Variants in RBPMS observed in about 807,000 individuals in gnomAD.
RBPMS encodes RNA-binding protein with multiple splicing.
In RBPMS, 7 loss-of-function variants were observed where a neutral mutation model predicts 26.8. The observed-to-expected ratio is 0.26, with a 90% confidence interval of 0.15 to 0.49. The LOEUF (loss-of-function observed/expected upper bound fraction) is 0.49, where lower values mean the gene tolerates loss of function less well. Ranked by LOEUF, RBPMS falls within the 20% of genes least tolerant of loss-of-function variation. The pLI is 0.98. For synonymous variants in RBPMS, 96 were observed against 93.3 expected, an observed-to-expected ratio of 1.03 and a Z score of -0.17; for missense variants, 186 against 250.0, an observed-to-expected ratio of 0.74 and a Z score of 1.73.
chr8:30,501,407 G>T (rs532721112), intron 4 of RBPMS, among the ~76,000 whole-genome samples: 1 of 151,532 alleles, frequency 6.6e-6, no homozygotes, highest in East Asian at 1.9e-4. Flanking sequence ...AAACTGCCCT[G>T]GTATACTTTT....
At chr8:30,436,726 C>T (rs903547626) in intron 1 of RBPMS, among the ~76,000 whole-genome samples, 3 of 152,098 alleles carry the variant, frequency 2.0e-5, no homozygotes, top group Non-Finnish European at 4.4e-5. Context: ...CTTGCTGGTG[C>T]CCTTGCATTC....
intron 6 of RBPMS, chr8:30,549,556 T>C (rs1275375450): frequency 2.5e-6 from 4 of 1,614,006 alleles, no homozygotes; most frequent in African/African-American, 2.7e-5. Context: ...CGTCTCCTGA[T>C]AGTGCCAGCC....
chr8:30,423,009 G>A (rs888258221), intron 1 of RBPMS, among the ~76,000 whole-genome samples: 3 of 152,292 alleles, frequency 2.0e-5, no homozygotes, highest in Non-Finnish European at 2.9e-5. Flanking sequence ...GTTCATTGCA[G>A]CTATCCCAAG....
At chr8:30,478,820 C>T (rs1167118122) in intron 3 of RBPMS, among the ~76,000 whole-genome samples, 2 of 152,116 alleles carry the variant, frequency 1.3e-5, no homozygotes, top group African/African-American at 4.8e-5. Context: ...TTTAAGGCAT[C>T]CCTTAGGATT....
At chr8:30,544,818 C>A in intron 6 of RBPMS, 194 bp downstream of exon 6, 2 of 1,547,146 alleles carry the variant, frequency 1.3e-6, no homozygotes, top group East Asian at 2.4e-5. Context: ...ATGATATCAC[C>A]CACTGCCTGA....
At chr8:30,391,031 C>T (rs1294386627) in intron 1 of RBPMS, among the ~76,000 whole-genome samples, 1 of 152,284 alleles carries the variant, frequency 6.6e-6, no homozygotes, top group East Asian at 1.9e-4. Flanking sequence ...AAAATTACTT[C>T]CATCCCTTTG....
intron 1 of RBPMS, among the ~76,000 whole-genome samples, chr8:30,452,834 A>G (rs542502741): frequency 6.6e-6 from 1 of 152,322 alleles, no homozygotes; most frequent in South Asian, 2.1e-4. Context: ...TTTGTCTAAA[A>G]ACTATCCTTT....
chr8:30,432,608 A>G (rs1213926077), intron 1 of RBPMS, among the ~76,000 whole-genome samples: 1 of 152,226 alleles, frequency 6.6e-6, no homozygotes, highest in Non-Finnish European at 1.5e-5. Flanking sequence ...TTGAAAAAAG[A>G]TGCTTATATT....
chr8:30,419,155 T>A (rs1460560985), intron 1 of RBPMS, among the ~76,000 whole-genome samples: 1 of 152,030 alleles, frequency 6.6e-6, no homozygotes, highest in African/African-American at 2.4e-5. Flanking sequence ...ATTTTATTTT[T>A]AAAAATATGG....
chr8:30,436,779 A>C (rs145589409), intron 1 of RBPMS, among the ~76,000 whole-genome samples: 1 of 152,182 alleles, frequency 6.6e-6, no homozygotes, highest in Non-Finnish European at 1.5e-5. Context: ...TTTTAAAAAG[A>C]ATTCGTTGTG....
Position 30,496,861 on chromosome 8 carries a change from G to A in RBPMS, c.247-7425G>A, listed in dbSNP as rs551277850. On this transcript the variant is annotated intron_variant, in intron 4 of 8. Transcript: ENST00000397323. ...GCGGGTTTATCTGTGGCCTGTCATG[G>A]AGTCATTTCAGGCTCCAACTGAGCG... is the stretch of plus-strand genomic sequence containing the variant. Among the ~76,000 whole-genome samples, 17 of 152,270 alleles carry A rather than the reference G, an allele frequency of 1.1e-4. No individual in the cohort carries two copies. In the South Asian group the frequency reaches 3.3e-3, roughly 30 times the overall value.
chr8:30,408,106 C>G (rs1808859886), intron 1 of RBPMS, among the ~76,000 whole-genome samples: 1 of 152,188 alleles, frequency 6.6e-6, no homozygotes, highest in South Asian at 2.1e-4. Flanking sequence ...TGGGCTTACT[C>G]TTACCCAAAT....
chr8:30,493,562 C>T (rs2150895564), intron 4 of RBPMS, among the ~76,000 whole-genome samples: 1 of 152,122 alleles, frequency 6.6e-6, no homozygotes, highest in Non-Finnish European at 1.5e-5. Flanking sequence ...AAAATGTGAG[C>T]ATCAGGATTC....
intron 6 of RBPMS, among the ~76,000 whole-genome samples, chr8:30,551,602 C>A (rs1182628291): frequency 6.6e-6 from 1 of 152,108 alleles, no homozygotes; most frequent in Non-Finnish European, 1.5e-5. Flanking sequence ...GCGCCTTCTC[C>A]CCTGTCCTTA....
chr8:30,429,638 C>A (rs376712167), intron 1 of RBPMS, among the ~76,000 whole-genome samples: 3 of 152,178 alleles, frequency 2.0e-5, no homozygotes, highest in African/African-American at 7.2e-5. Context: ...GTTGTTAAGT[C>A]ACCCAGCAAA....
rs374442306 is a variant in RBPMS at position 30,556,556 on chromosome 8, G to T, written c.529-2331G>T. On this transcript the variant is annotated intron_variant, in intron 6 of 8. Transcript: ENST00000397323. ...ACACCGTCACGTCTTGGCCTCGTCGGGGCTCAGCGCCCCAACCCACACCCA... is the reference window on the plus strand; with the variant it reads ...ACACCGTCACGTCTTGGCCTCGTCGTGGCTCAGCGCCCCAACCCACACCCA... The T allele has an allele frequency of 1.2e-4, 114 of 986,486 alleles. No individual in the cohort carries two copies. The African/African-American group carries it at 1.9e-3, about 16-fold the overall frequency. 61.1% of individuals were successfully genotyped at this position (986,486 alleles called of 1,614,324 possible). A position where few individuals can be genotyped will look rare whatever the true frequency, so the allele number is the denominator to read the frequency against.
Position 30,501,154 on chromosome 8 carries a change from C to G in RBPMS, c.247-3132C>G, listed in dbSNP as rs189094265. 1.0e-3 allele frequency among the ~76,000 whole-genome samples: 154 copies of G among 152,162 alleles called. 1 individual carries two copies. The highest frequency in any genetic ancestry group is 1.5e-3 in the East Asian group (8 of 5,162). The stretch of plus-strand genomic sequence containing the variant: ...ATAAAGCTGATCATATTATCCCCCC[C>G]ATTTTTAAAACCTAATGGCTTAGCT... On this transcript the variant is annotated intron_variant, in intron 4 of 8. Transcript: ENST00000397323.
At chr8:30,498,772 T>G (rs962011143) in intron 4 of RBPMS, among the ~76,000 whole-genome samples, 8 of 152,180 alleles carry the variant, frequency 5.3e-5, no homozygotes, top group South Asian at 2.1e-4. Context: ...TTAGAGGAGT[T>G]ACACATAGGC....
intron 5 of RBPMS, among the ~76,000 whole-genome samples, chr8:30,534,127 TCA>T: frequency 9.8e-6 from 1 of 102,296 alleles, no homozygotes; most frequent in Admixed American, 1.1e-4. Flanking sequence ...CACGAGACTC[TCA>T]AAAAAAAAAA....
Sources: allele counts gnomAD v4.1 joint callset (sites outside exome capture counted in the v4.1 genomes callset), GRCh38; gene constraint gnomAD v4.1.1; transcripts MANE v1.5; gene names NCBI Gene and HGNC (gene_info 2026-07-23, HGNC 2026-07-21).